FAM234A: variants seen among roughly 807,000 people sequenced by gnomAD.
The protein encoded by FAM234A is family with sequence similarity 234 member A.
A neutral mutation model predicts 49.1 loss-of-function variants in FAM234A; 42 were observed. That is an observed-to-expected ratio of 0.86 (90% CI 0.67 to 1.11). The LOEUF is 1.11. FAM234A is among the 50% of genes least tolerant of loss of function. The pLI is 0.00. For missense variants in FAM234A, 815 were observed against 745.2 expected, an observed-to-expected ratio of 1.09 and a Z score of -1.09; for synonymous variants, 369 against 316.2, an observed-to-expected ratio of 1.17 and a Z score of -1.77.
rs757733859 is a variant in FAM234A, at chr16:260,158, C to T, written c.575C>T (p.Thr192Ile). 1 of 1,613,246 alleles carries T rather than the reference C, an allele frequency of 6.2e-7. No individual in the cohort carries two copies. Among genetic ancestry groups the T allele is most frequent in the African/African-American group, 1.3e-5 (1 of 75,060 alleles). Residue 192 changes from threonine to isoleucine, a missense_variant and splice_region_variant, in exon 5 of 13, where the codon ACA (threonine) becomes ATA (isoleucine). Thr to Ile is a moderately conservative substitution (Grantham distance 89). Transcript: ENST00000399932. ...PSSFIAVNLF[T>I]GETLWNHSSS... ...TCTTTCATTGCAGTCAACTTGTTCA[C>T]AGGTAGGCCAGCCAGGCAGCGGGGT...
At chr16:259,924 T>C in intron 4 of FAM234A, 45 bp from the exon 5 acceptor site, 1 of 1,567,738 alleles carries the variant, frequency 6.4e-7, no homozygotes, top group Middle Eastern at 2.0e-4. Context: ...CCGGCCTGCC[T>C]GCCCAGATGG....
At chr16:256,513 C>CT (rs2051239181) in intron 3 of FAM234A, among the ~76,000 whole-genome samples, 1 of 151,950 alleles carries the variant, frequency 6.6e-6, no homozygotes, top group Non-Finnish European at 1.5e-5. Flanking sequence ...TGGTGAATGT[C>CT]TATTCTTGCA....
chr16:244,260 G>T (rs113627759), intron 1 of FAM234A, among the ~76,000 whole-genome samples: 4 of 152,196 alleles, frequency 2.6e-5, no homozygotes, highest in South Asian at 4.1e-4. Context: ...GAGCCACCGC[G>T]CCCGGTCGGA....
Position 264,084 on chromosome 16 carries a change from T to C in FAM234A, c.1257T>C (p.Gly419=). ...TAGCCCTCCCGAGCCTCCCTGGGGGTCCACTGTCCGCCAGCCTGCCGACCG... is the reference window on the plus strand; with the variant it reads ...TAGCCCTCCCGAGCCTCCCTGGGGGCCCACTGTCCGCCAGCCTGCCGACCG... ...CSLALPSLPG[G]PLSASLPTAD... is the part of the protein sequence containing the mutation. Residue 419 remains glycine (G), a synonymous_variant, in exon 11 of 13, where the codon GGT becomes GGC. Coordinates refer to ENST00000399932, the MANE Select transcript of FAM234A (RefSeq NM_032039.4). The C allele has an allele frequency of 3.1e-6, 5 of 1,612,138 alleles. No individual in the cohort carries two copies. Among genetic ancestry groups the C allele is most frequent in the Non-Finnish European group, 4.2e-6 (5 of 1,179,796 alleles).
Position 264,877 on chromosome 16 carries a change from C to T in FAM234A, c.1514C>T (p.Ala505Val). The T allele has an allele frequency of 6.2e-7, 1 of 1,612,618 alleles. No individual in the cohort carries two copies. The highest frequency in any genetic ancestry group is 1.3e-5 in the African/African-American group (1 of 75,042). The change falls in exon 13 of 13, where the codon GCA becomes GTA. Residue 505 changes from alanine to valine, a missense_variant. Coordinates refer to ENST00000399932, the MANE Select transcript of FAM234A (RefSeq NM_032039.4). The stretch of plus-strand genomic sequence containing the variant: ...CTGACAGGCCCGGCAGACTCAGAGG[C>T]ACCCGGCCTGGTCTCTGTGATCAAG... ...ILLTGPADSE[A>V]PGLVSVIKHK...
At chr16:241,899 A>G (rs544983705) in intron 1 of FAM234A, among the ~76,000 whole-genome samples, 15 of 144,250 alleles carry the variant, frequency 1.0e-4, no homozygotes, top group African/African-American at 4.0e-4. Context: ...GAGCGAGACA[A>G]CGTCTCAAAA....
chr16:253,236 C>T (rs924252649), intron 2 of FAM234A, among the ~76,000 whole-genome samples: 8 of 152,122 alleles, frequency 5.3e-5, no homozygotes, highest in Non-Finnish European at 4.4e-5. Context: ...CAGCAGGAAC[C>T]AGGGGAAGGA....
chr16:262,210 A>G lies in FAM234A; in HGVS notation c.826A>G (p.Ile276Val), dbSNP rs1180261632. Residue 276 changes from isoleucine to valine, a missense_variant, in exon 7 of 13, where the codon ATC becomes GTC. Coordinates refer to ENST00000399932, the MANE Select transcript of FAM234A (RefSeq NM_032039.4). ...LHVTRTGAHY[I>V]LFPCASSLCG... is the part of the protein sequence containing the mutation. ...CGTCACCAGGACAGGTGCCCACTAC[A>G]TCCTCTTTCCCTGCGGTACGTTGTT... is the stretch of plus-strand genomic sequence containing the variant. 1.9e-6 allele frequency: 3 copies of G among 1,613,826 alleles called. No individual in the cohort carries two copies. The highest frequency in any genetic ancestry group is 1.3e-5 in the African/African-American group (1 of 74,912).
At position 265,940 on chromosome 16, in the gene FAM234A, C is replaced by CTA; in HGVS notation, c.*919_*920insAT. 1.0e-6 allele frequency: 1 copy of CTA among 986,026 alleles called. No homozygotes were observed. The highest frequency in any genetic ancestry group is 1.1e-4 in the East Asian group (1 of 8,824). The allele number at this position is 986,026 out of a possible 1,614,324, so 61.1% of individuals were successfully genotyped here. On this transcript the variant is annotated 3_prime_UTR_variant, in exon 13 of 13. Coordinates refer to ENST00000399932, the MANE Select transcript of FAM234A (RefSeq NM_032039.4). ...GTGCCACCCGATGCAGGACTCACCTCTGTGCCTTGCTGCTCCTGAGGCCCA... is the reference window on the plus strand; with the variant it reads ...GTGCCACCCGATGCAGGACTCACCTCTATGTGCCTTGCTGCTCCTGAGGCCCA...
chr16:261,276 CGAGGG>C (rs2051453802), intron 5 of FAM234A, 103 bp from the exon 6 acceptor site: 5 of 1,348,606 alleles, frequency 3.7e-6, no homozygotes, highest in Non-Finnish European at 4.1e-6. Flanking sequence ...CGTGGGCTCA[CGAGGG>C]TGATGCCTCA....
At chr16:268,175 C>G (rs1372894548), downstream of FAM234A, 1 of 170,172 alleles carries the variant, frequency 5.9e-6, no homozygotes, top group African/African-American at 2.4e-5. Flanking sequence ...TGCACACGTG[C>G]ACTACACACA....
At chr16:235,464 C>A (rs1348764453) in intron 1 of FAM234A, among the ~76,000 whole-genome samples, 1 of 152,124 alleles carries the variant, frequency 6.6e-6, no homozygotes, top group Non-Finnish European at 1.5e-5. Context: ...CTGGGATTAG[C>A]GTTCCTGGCT....
At chr16:250,847 T>C (rs1810871496) in intron 2 of FAM234A, among the ~76,000 whole-genome samples, 1 of 152,256 alleles carries the variant, frequency 6.6e-6, no homozygotes, top group African/African-American at 2.4e-5. Context: ...AATTTTATAA[T>C]GTGTCAGAAT....
At chr16:249,119 C>T (rs1596781801) in intron 1 of FAM234A, among the ~76,000 whole-genome samples, 1 of 152,044 alleles carries the variant, frequency 6.6e-6, no homozygotes, top group East Asian at 1.9e-4. Context: ...CTCCAAGGAA[C>T]AGAAAACCCA....
chr16:250,093 A>C (rs2050947369), intron 2 of FAM234A, among the ~76,000 whole-genome samples: 2 of 152,196 alleles, frequency 1.3e-5, no homozygotes, highest in South Asian at 4.1e-4. Flanking sequence ...CGCCACACCC[A>C]GCTAATTTTT....
chr16:254,407 G>A lies in FAM234A; in HGVS notation c.-7G>A, dbSNP rs1215441740. 7 of 1,613,496 alleles carry A rather than the reference G, an allele frequency of 4.3e-6. No individual in the cohort carries two copies. Among genetic ancestry groups the A allele is most frequent in the Non-Finnish European group, 5.9e-6 (7 of 1,179,704 alleles). On this transcript the variant is annotated 5_prime_UTR_variant, in exon 3 of 13. Transcript: ENST00000399932. ...GACCAGGAGTTAAACTTTGGGATGT[G>A]CCCGTGATGTTGGACCACAAGGACT...
intron 9 of FAM234A, 39 bp from the exon 10 acceptor site, chr16:263,661 C>A (rs1211362643): frequency 9.2e-6 from 14 of 1,529,572 alleles, no homozygotes; most frequent in Non-Finnish European, 1.1e-5. Context: ...AGTCTCCTCA[C>A]TGAGACCCCT....
intron 1 of FAM234A, among the ~76,000 whole-genome samples, chr16:237,055 G>GTTTA (rs1271385393): frequency 6.7e-6 from 1 of 150,280 alleles, no homozygotes; most frequent in Non-Finnish European, 1.5e-5. Context: ...CGCCCAGCCT[G>GTTTA]TTTATTTATT....
At chr16:242,887 C>T (rs1337202614) in intron 1 of FAM234A, among the ~76,000 whole-genome samples, 3 of 152,094 alleles carry the variant, frequency 2.0e-5, no homozygotes, top group Non-Finnish European at 2.9e-5. Context: ...GCTGGGATTA[C>T]AGGCGTGAGC....
Sources: allele counts gnomAD v4.1 joint callset (sites outside exome capture counted in the v4.1 genomes callset), GRCh38; gene constraint gnomAD v4.1.1; transcripts MANE v1.5; gene names NCBI Gene and HGNC (gene_info 2026-07-23, HGNC 2026-07-21).